EYA1: variants seen among roughly 807,000 people sequenced by gnomAD.
EYA1 encodes the protein protein phosphatase EYA1.
A neutral mutation model predicts 82.0 loss-of-function variants in EYA1; 16 were observed. That is an observed-to-expected ratio of 0.20 (90% CI 0.13 to 0.30). The LOEUF (loss-of-function observed/expected upper bound fraction) is 0.30. EYA1 is among the 10% of genes least tolerant of loss of function. The pLI is 1.00. For missense variants in EYA1, 633 were observed against 730.7 expected, an observed-to-expected ratio of 0.87 and a Z score of 1.54; for synonymous variants, 261 against 264.4, an observed-to-expected ratio of 0.99 and a Z score of 0.12.
chr8:71,373,766 G>A (rs1357033931), intron 2 of EYA1, among the ~76,000 whole-genome samples: 2 of 152,120 alleles, frequency 1.3e-5, no homozygotes, highest in African/African-American at 4.8e-5. Flanking sequence ...AATCAAAAGA[G>A]CATGGTACTG....
At chr8:71,201,415 G>A (rs1464391870) in intron 17 of EYA1, among the ~76,000 whole-genome samples, 1 of 151,822 alleles carries the variant, frequency 6.6e-6, no homozygotes, top group African/African-American at 2.4e-5. Flanking sequence ...CAGCACCATA[G>A]CACAGGTTCA....
At chr8:71,358,032 A>G (rs1157632095) in intron 1 of EYA1, among the ~76,000 whole-genome samples, 1 of 151,478 alleles carries the variant, frequency 6.6e-6, no homozygotes, top group East Asian at 1.9e-4. Flanking sequence ...GAACTAACTT[A>G]GTTTTAAGAA....
intron 2 of EYA1, among the ~76,000 whole-genome samples, chr8:71,497,519 A>G (rs35652997): frequency 0.13 from 19,501 of 152,230 alleles, 1,532 homozygotes; most frequent in Non-Finnish European, 0.17. Context: ...AATCATGATA[A>G]GCTCTCACCT....
chr8:71,293,685 C>T (rs1819249067), intron 9 of EYA1, among the ~76,000 whole-genome samples: 1 of 151,590 alleles, frequency 6.6e-6, no homozygotes, highest in Admixed American at 6.6e-5. Flanking sequence ...TGAAGAAAAA[C>T]CATATGATCA....
chr8:71,296,982 C>A (rs1191182202), intron 9 of EYA1, among the ~76,000 whole-genome samples: 1 of 152,102 alleles, frequency 6.6e-6, no homozygotes, highest in Non-Finnish European at 1.5e-5. Context: ...ACTCAGTGAA[C>A]TTTCCACTTC....
rs76748535 is a variant in EYA1 at position 71,453,375 on chromosome 8, G to A, written c.33+82369C>T. Among the ~76,000 whole-genome samples the A allele has an allele frequency of 2.0e-3, 297 of 152,250 alleles. 1 individual carries two copies. The highest frequency in any genetic ancestry group is 3.6e-3 in the Non-Finnish European group (243 of 68,014). ...GATATTATCCAGGAGAACTTCCCCAGCCTAGCAAGGCAGGCCAACATTCAA... is the reference window on the plus strand; with the variant it reads ...GATATTATCCAGGAGAACTTCCCCAACCTAGCAAGGCAGGCCAACATTCAA... On this transcript the variant is annotated intron_variant, in intron 2 of 18. Coordinates refer to the EYA1 transcript ENST00000643681.
intron 9 of EYA1, among the ~76,000 whole-genome samples, chr8:71,282,478 C>T (rs926498763): frequency 3.9e-5 from 6 of 152,226 alleles, no homozygotes; most frequent in African/African-American, 1.4e-4. Flanking sequence ...CCAACAACAT[C>T]CACTCTGTCA....
In EYA1 at chr8:71,488,203, G is replaced by A. The variant is rs547263907; in HGVS notation, c.33+47541C>T. Among the ~76,000 whole-genome samples, 509 of 151,306 alleles carry A rather than the reference G, an allele frequency of 3.4e-3. 3 individuals carry two copies. Among genetic ancestry groups the A allele is most frequent in the African/African-American group, 0.012 (480 of 41,244 alleles). On this transcript the variant is annotated intron_variant, in intron 2 of 18. Transcript: ENST00000643681. ...TCAAATATAAATCAATGATATAAAG[G>A]ATAAATATACATCAATGATATAAAG...
At chr8:71,234,932 T>C (rs550031411) in intron 12 of EYA1, among the ~76,000 whole-genome samples, 44 of 152,144 alleles carry the variant, frequency 2.9e-4, no homozygotes, top group African/African-American at 1.1e-3. Flanking sequence ...CCAAACACAC[T>C]CTTCTTCAGA....
chr8:71,267,557 T>C (rs189316171), intron 11 of EYA1, among the ~76,000 whole-genome samples: 1 of 152,156 alleles, frequency 6.6e-6, no homozygotes, highest in African/African-American at 2.4e-5. Flanking sequence ...ATAAAACTTT[T>C]GTTTTTTTTG....
chr8:71,465,130 C>A (rs548642311), intron 2 of EYA1, among the ~76,000 whole-genome samples: 1 of 152,282 alleles, frequency 6.6e-6, no homozygotes, highest in African/African-American at 2.4e-5. Context: ...TACTTTATTA[C>A]TGCCCACTTT....
chr8:71,452,497 AC>A (rs1807472462), intron 2 of EYA1, among the ~76,000 whole-genome samples: 4 of 152,058 alleles, frequency 2.6e-5, no homozygotes, highest in Non-Finnish European at 5.9e-5. Flanking sequence ...ACTCCCAAGT[AC>A]CCTAACTGGG....
intron 9 of EYA1, among the ~76,000 whole-genome samples, chr8:71,288,438 G>A (rs1008431217): frequency 2.0e-5 from 3 of 152,174 alleles, no homozygotes; most frequent in Admixed American, 6.5e-5. Flanking sequence ...ATTCAGAGAT[G>A]TCACCAATGG....
chr8:71,451,040 C>G (rs377024846), intron 2 of EYA1, among the ~76,000 whole-genome samples: 20 of 152,204 alleles, frequency 1.3e-4, no homozygotes, highest in South Asian at 2.1e-4. Context: ...CTATTATCAC[C>G]CATTAAATTG....
chr8:71,373,407 T>C (rs1306747935), intron 2 of EYA1, among the ~76,000 whole-genome samples: 1 of 152,056 alleles, frequency 6.6e-6, no homozygotes, highest in Non-Finnish European at 1.5e-5. Context: ...AAGAATGAAA[T>C]GCTTAGAAAC....
chr8:71,290,590 G>A (rs111674472), intron 9 of EYA1, among the ~76,000 whole-genome samples: 2,121 of 152,120 alleles, frequency 0.014, 45 homozygotes, highest in African/African-American at 0.048. Context: ...CTGACATATG[G>A]CTAAGTAATT....
chr8:71,382,934 T>C (rs1007759657), intron 2 of EYA1, among the ~76,000 whole-genome samples: 8 of 152,120 alleles, frequency 5.3e-5, no homozygotes, highest in African/African-American at 1.9e-4. Flanking sequence ...TGACTAAATA[T>C]ATGTGGCATG....
intron 11 of EYA1, among the ~76,000 whole-genome samples, chr8:71,251,646 T>A (rs1813760452): frequency 6.6e-6 from 1 of 152,190 alleles, no homozygotes; most frequent in African/African-American, 2.4e-5. Context: ...TGAGTGTCTG[T>A]AGAACCAGGA....
intron 2 of EYA1, among the ~76,000 whole-genome samples, chr8:71,417,053 C>T (rs1323707737): frequency 6.6e-6 from 1 of 152,130 alleles, no homozygotes; most frequent in African/African-American, 2.4e-5. Context: ...ACTGGCTTAG[C>T]TTCCAAGCCT....
Sources: gnomAD v4.1 joint callset for allele counts (sites outside exome capture counted in the v4.1 genomes callset) on GRCh38, gnomAD v4.1.1 for gene constraint, MANE v1.5 for transcripts, NCBI Gene and HGNC (gene_info 2026-07-23, HGNC 2026-07-21) for gene names.